Variants in MMP13 observed in about 807,000 individuals in gnomAD.
The protein encoded by MMP13 is matrix metallopeptidase 13.
In MMP13, 45 loss-of-function variants were observed where a neutral mutation model predicts 52.1. The ratio of observed to expected loss-of-function variants is 0.86; its 90% CI spans 0.68 to 1.11. The LOEUF (loss-of-function observed/expected upper bound fraction) is 1.11, where lower values mean the gene tolerates loss of function less well. MMP13 is among the 50% of genes least tolerant of loss of function. The pLI is 0.00. For missense variants in MMP13, 576 were observed against 583.8 expected (o/e 0.99, Z 0.14); for synonymous variants, 200 against 204.4 (o/e 0.98, Z 0.18).
At chr11:102,948,085 G>A (rs375226781) in intron 7 of MMP13, 35 bp from the exon 8 acceptor site, 3 of 1,595,402 alleles carry the variant, frequency 1.9e-6, no homozygotes, top group African/African-American at 2.7e-5. Context: ...TATTATCCAA[G>A]GGAATCTATT....
chr11:102,947,126 C>T (rs1860521846), intron 8 of MMP13, among the ~76,000 whole-genome samples: 1 of 152,216 alleles, frequency 6.6e-6, no homozygotes, highest in Non-Finnish European at 1.5e-5. Context: ...CCTGGTCAAC[C>T]TCTCCAGTGG....
rs1232313552 is a variant in MMP13, at chr11:102,943,914, ATTTAC to A, written c.*347_*351del. ...AATGATTTATTCATTATATGCATGT[ATTTAC>A]TTTATGCCCTTGTAAAATTTCCTTA... On this transcript the variant is annotated 3_prime_UTR_variant, in exon 10 of 10. Transcript: ENST00000260302. 1 of 245,408 alleles carries A rather than the reference ATTTAC, an allele frequency of 4.1e-6. No individual in the cohort carries two copies. Among genetic ancestry groups the A allele is most frequent in the Non-Finnish European group, 8.2e-6 (1 of 121,764 alleles). The allele number at this position is 245,408 out of a possible 1,614,324, so 15.2% of individuals were successfully genotyped here.
At chr11:102,951,929 G>T (rs1860618514) in intron 5 of MMP13, 83 bp downstream of exon 5, 1 of 1,424,522 alleles carries the variant, frequency 7.0e-7, no homozygotes, top group Non-Finnish European at 9.9e-7. Context: ...TTATTATGCA[G>T]CATGACTGCA....
chr11:102,949,280 G>A lies in MMP13; in HGVS notation c.918-122C>T. 7.9e-7 allele frequency: 1 copy of A among 1,258,330 alleles called. No homozygotes were observed. Among genetic ancestry groups the A allele is most frequent in the South Asian group, 1.3e-5 (1 of 77,388 alleles). 77.9% of individuals were successfully genotyped at this position (1,258,330 alleles called of 1,614,324 possible). ...GATACAACCAATACCTCCCACCTGT[G>A]AAGGGAAAAAAAATTCCATTACCCT... is the stretch of plus-strand genomic sequence containing the variant. On this transcript the variant is annotated intron_variant, in intron 6 of 9. Transcript: ENST00000260302. This position sits in a 1 kb window ranked among gnomAD's most constrained non-coding sequence, Gnocchi z 4.2.
intron 4 of MMP13, among the ~76,000 whole-genome samples, chr11:102,953,519 T>C (rs1350796755): frequency 6.6e-6 from 1 of 152,192 alleles, no homozygotes; most frequent in Non-Finnish European, 1.5e-5. Flanking sequence ...TAAGTTAACA[T>C]TCCCAATTAT....
intron 9 of MMP13, chr11:102,945,172 A>G (rs782713750): frequency 2.9e-5 from 13 of 446,620 alleles, no homozygotes; most frequent in African/African-American, 2.7e-4. Flanking sequence ...TGAACCCAGG[A>G]GGCGGAGGTT....
intron 9 of MMP13, 24 bp from the exon 10 acceptor site, chr11:102,944,390 A>C: frequency 6.7e-7 from 1 of 1,490,196 alleles, no homozygotes; most frequent in African/African-American, 1.4e-5. Flanking sequence ...CATAAAGACA[A>C]TTTCAGAGTT....
Position 102,944,350 on chromosome 11 carries a change from G to A in MMP13, c.1332C>T (p.Phe444=). 6.2e-7 allele frequency: 1 copy of A among 1,608,928 alleles called. No individual in the cohort carries two copies. The highest frequency in any genetic ancestry group is 1.1e-5 in the South Asian group (1 of 90,980). Residue 444 remains phenylalanine (F), a synonymous_variant, in exon 10 of 10, where the codon TTC becomes TTT. Coordinates refer to ENST00000260302, the MANE Select transcript of MMP13 (RefSeq NM_002427.4). ...TGTATTCAAACTGTATGGGTCCGTT[G>A]AAAAAATAGATATAACCTATAAGAA... ...VYEKNGYIYF[F]NGPIQFEYSI... is the part of the protein sequence containing the mutation.
At chr11:102,945,833 T>C in intron 8 of MMP13, 84 bp from the exon 9 acceptor site, 1 of 738,308 alleles carries the variant, frequency 1.4e-6, no homozygotes, top group Non-Finnish European at 2.3e-6. Flanking sequence ...AATGGCATCT[T>C]TCAAAATTGA....
At chr11:102,947,442 T>G (rs17860571) in intron 8 of MMP13, among the ~76,000 whole-genome samples, 37,527 of 152,040 alleles carry the variant, frequency 0.25, 5,235 homozygotes, top group East Asian at 0.42. Context: ...GGCACATGCC[T>G]GTAATCCCAG....
Position 102,955,114 on chromosome 11 carries a change from T to G in MMP13, c.362+138A>C. The G allele has an allele frequency of 1.1e-6, 1 of 891,106 alleles. No homozygotes were observed. Among genetic ancestry groups the G allele is most frequent in the Non-Finnish European group, 1.7e-6 (1 of 573,498 alleles). 55.2% of individuals were successfully genotyped at this position (891,106 alleles called of 1,614,324 possible). A position where few individuals can be genotyped will look rare whatever the true frequency, so the allele number is the denominator to read the frequency against. On this transcript the variant is annotated intron_variant, in intron 2 of 9. Transcript: ENST00000260302. The surrounding 1 kb of genome is among the most constrained non-coding windows in gnomAD (Gnocchi z 4.9). ...GTTAATGTAACAATAATAGATGTTA[T>G]GAGGTATTCTCGGCAACCATATTAA...
rs1046611210 is a variant in MMP13 at position 102,948,026 on chromosome 11, C to T, written c.1076G>A (p.Gly359Asp). Residue 359 changes from glycine to aspartate, a missense_variant, in exon 8 of 10, where the codon GGT (glycine) becomes GAT (aspartate). Coordinates refer to ENST00000260302, the MANE Select transcript of MMP13 (RefSeq NM_002427.4). ...FRGRKFWALN[G>D]YDILEGYPKK... is the part of the protein sequence containing the mutation. Reference sequence around the variant, plus strand: ...GGGATAACCTTCCAGAATGTCATAACCATTAAGAGCCCAAAATTTTCTACC... The same window carrying T: ...GGGATAACCTTCCAGAATGTCATAATCATTAAGAGCCCAAAATTTTCTACC... 3 of 1,613,512 alleles carry T rather than the reference C, an allele frequency of 1.9e-6. No homozygotes were observed. The highest frequency in any genetic ancestry group is 2.5e-6 in the Non-Finnish European group (3 of 1,179,762).
rs782789845 is a variant in MMP13, at chr11:102,952,202, A to G, written c.638-29T>C. The G allele has an allele frequency of 2.5e-6, 4 of 1,611,310 alleles. No individual in the cohort carries two copies. In the Admixed American group the frequency reaches 6.7e-5, roughly 27 times the overall value. On this transcript the variant is annotated intron_variant, in intron 4 of 9. Transcript: ENST00000260302. The surrounding 1 kb of genome is among the most constrained non-coding windows in gnomAD (Gnocchi z 4.3). The stretch of plus-strand genomic sequence containing the variant: ...TAAGAAAACAAAGAAACAATGAGAA[A>G]AAAAGGAATTCCAGTGACCAGGTAA...
In MMP13 at chr11:102,952,988, TCTGC is replaced by T. The variant is rs1253287585; in HGVS notation, c.638-819_638-816del. Among the ~76,000 whole-genome samples, 1 of 152,194 alleles carries T rather than the reference TCTGC, an allele frequency of 6.6e-6. No individual in the cohort carries two copies. Among genetic ancestry groups the T allele is most frequent in the Non-Finnish European group, 1.5e-5 (1 of 68,036 alleles). On this transcript the variant is annotated intron_variant, in intron 4 of 9. Transcript: ENST00000260302. This position sits in a 1 kb window ranked among gnomAD's most constrained non-coding sequence, Gnocchi z 4.3. Reference sequence around the variant, plus strand: ...GGATTCCATTTGACCTTAAATACCCTCTGCTATTGTAGCCTGTGCATGAAGAAAA... The same window carrying T: ...GGATTCCATTTGACCTTAAATACCCTTATTGTAGCCTGTGCATGAAGAAAA...
At chr11:102,951,500 T>C (rs1015821748) in intron 5 of MMP13, among the ~76,000 whole-genome samples, 1 of 152,162 alleles carries the variant, frequency 6.6e-6, no homozygotes, top group Non-Finnish European at 1.5e-5. Context: ...ATCTTTTCTA[T>C]TTGAGTGGGT....
At chr11:102,945,219 G>T (rs1860481478) in intron 9 of MMP13, 3 of 737,596 alleles carry the variant, frequency 4.1e-6, no homozygotes, top group African/African-American at 2.0e-5. Flanking sequence ...ACTCCAGCCT[G>T]GGTGACAGAG....
In MMP13 at chr11:102,955,203, C is replaced by T. The variant is rs1199715313; in HGVS notation, c.362+49G>A. ...CCTACTTAATATTAGACATTTAATA[C>T]TACAAGAAAAGGCTAACAAATATGA... On this transcript the variant is annotated intron_variant, in intron 2 of 9. Transcript: ENST00000260302. The surrounding 1 kb of genome is among the most constrained non-coding windows in gnomAD (Gnocchi z 4.9). 6.3e-7 allele frequency: 1 copy of T among 1,597,618 alleles called. No homozygotes were observed. The highest frequency in any genetic ancestry group is 1.7e-5 in the Admixed American group (1 of 59,860).
rs1462136706 is a variant in MMP13, at chr11:102,947,814, TA to T, written c.1211+76del. 9.6e-6 allele frequency: 14 copies of T among 1,460,762 alleles called. No individual in the cohort carries two copies. The African/African-American group carries it at 2.0e-4, about 20-fold the overall frequency. 90.5% of individuals were successfully genotyped at this position (1,460,762 alleles called of 1,614,324 possible). A position where few individuals can be genotyped will look rare whatever the true frequency, so the allele number is the denominator to read the frequency against. ...TGACATTTACAATAGTGTGTAGGAA[TA>T]ATGTATAGTAGTGACAGATGTTTGA... On this transcript the variant is annotated intron_variant, in intron 8 of 9. Transcript: ENST00000260302.
In MMP13 at chr11:102,949,878, G is replaced by C. The variant is rs1860580809; in HGVS notation, c.917+232C>G. Among the ~76,000 whole-genome samples the C allele has an allele frequency of 1.3e-5, 2 of 152,164 alleles. No individual in the cohort carries two copies. The highest frequency in any genetic ancestry group is 6.5e-5 in the Admixed American group (1 of 15,268). On this transcript the variant is annotated intron_variant, in intron 6 of 9. Transcript: ENST00000260302. The surrounding 1 kb of genome is among the most constrained non-coding windows in gnomAD (Gnocchi z 4.2). ...TTTTCTTGGTTATATTTATAAGAAA[G>C]ACTGTAACTAGAGATGTAAAAGGAA... is the stretch of plus-strand genomic sequence containing the variant.
Sources: gnomAD v4.1 joint callset for allele counts (sites outside exome capture counted in the v4.1 genomes callset) on GRCh38, gnomAD v4.1.1 for gene constraint, Gnocchi (gnomAD v3.1) non-coding constraint, MANE v1.5 for transcripts, NCBI Gene and HGNC (gene_info 2026-07-23, HGNC 2026-07-21) for gene names.